MICAL1: variants seen among roughly 807,000 people sequenced by gnomAD.
MICAL1 encodes the protein microtubule associated monooxygenase, calponin and LIM domain containing 1.
MICAL1 carries 95 observed loss-of-function variants against 131.8 expected under a neutral mutation model. The ratio of observed to expected loss-of-function variants is 0.72; its 90% CI spans 0.61 to 0.86. The LOEUF (loss-of-function observed/expected upper bound fraction) is 0.86. Ranked by LOEUF, MICAL1 falls within the 40% of genes least tolerant of loss-of-function variation. MICAL1 has a pLI of 0.00. For synonymous variants in MICAL1, 546 were observed against 554.2 expected (o/e 0.99, Z 0.21); for missense variants, 1,292 against 1,380.6 (o/e 0.94, Z 1.02).
chr6:109,453,223 TGGG>T lies in MICAL1; in HGVS notation c.571+37_571+39del, dbSNP rs377028703. On this transcript the variant is annotated intron_variant, in intron 4 of 24. Coordinates refer to ENST00000358807, the MANE Select transcript of MICAL1 (RefSeq NM_022765.4). Reference sequence around the variant, plus strand: ...TTTCAGACACTGGCCAAGTTCTTGATGGGGGAGGGGGAGATTCCAGGGAGCATA... The same window carrying T: ...TTTCAGACACTGGCCAAGTTCTTGATGGAGGGGGAGATTCCAGGGAGCATA... The T allele has an allele frequency of 3.8e-3, 5,819 of 1,527,740 alleles. 32 individuals are homozygous for T. The highest frequency in any genetic ancestry group is 0.019 in the Middle Eastern group (111 of 5,930). The allele number at this position is 1,527,740 out of a possible 1,614,324, so 94.6% of individuals were successfully genotyped here.
upstream of MICAL1, among the ~76,000 whole-genome samples, chr6:109,458,690 C>T (rs973250232): frequency 5.3e-5 from 8 of 152,152 alleles, no homozygotes; most frequent in African/African-American, 1.9e-4. Context: ...ACGACAGGAT[C>T]CTCCTTCCTC....
chr6:109,463,357 A>T (rs2115350452), intron 1 of MICAL1: 2 of 152,322 alleles, frequency 1.3e-5, no homozygotes, highest in East Asian at 3.9e-4. Context: ...TAACAAAGCT[A>T]TCATTTCCTT....
At position 109,444,262 on chromosome 6, in the gene MICAL1, C is replaced by T. The variant is rs758014161; in HGVS notation, c.3133G>A (p.Asp1045Asn). 1.2e-6 allele frequency: 2 copies of T among 1,613,668 alleles called. No individual in the cohort carries two copies. The highest frequency in any genetic ancestry group is 1.7e-6 in the Non-Finnish European group (2 of 1,180,036). ...TCCTCCTGGAAGCGGATGAGGGCAT[C>T]TCTCTGGTTGACCAAATCCACCAGC... is the stretch of plus-strand genomic sequence containing the variant. Reference protein sequence around the residue: ...RKLVDLVNQRDALIRFQEERR... With the variant: ...RKLVDLVNQRNALIRFQEERR... The change falls in exon 25 of 25, where the codon GAT (aspartate) becomes AAT (asparagine). Residue 1045 changes from aspartate to asparagine, a missense_variant. Physicochemically the swap from Asp to Asn is conservative, Grantham distance 23 (BLOSUM62 1). Coordinates refer to ENST00000358807, the MANE Select transcript of MICAL1 (RefSeq NM_022765.4).
rs1218546147 is a variant in MICAL1, at chr6:109,455,104, C to T, written c.-44+615G>A. Among the ~76,000 whole-genome samples the T allele has an allele frequency of 6.6e-6, 1 of 151,978 alleles. No homozygotes were observed. The highest frequency in any genetic ancestry group is 2.4e-5 in the African/African-American group (1 of 41,398). ...CTCCCAGGAATCTCCGGAGACAAAG[C>T]CTCGCTTTGTCGCCCCCTCCCACGC... On this transcript the variant is annotated intron_variant, in intron 1 of 24. Transcript: ENST00000358807. The surrounding 1 kb of genome is among the most constrained non-coding windows in gnomAD (Gnocchi z 4.7).
chr6:109,445,092 G>C (rs1292868452), intron 22 of MICAL1, 97 bp from the exon 23 acceptor site: 19 of 1,570,594 alleles, frequency 1.2e-5, no homozygotes, highest in Non-Finnish European at 1.6e-5. Flanking sequence ...GGGTGTCACA[G>C]GTATGTGTTA....
intron 11 of MICAL1, 98 bp downstream of exon 11, chr6:109,449,302 T>C: frequency 1.5e-6 from 2 of 1,318,986 alleles, no homozygotes; most frequent in Non-Finnish European, 2.2e-6. Flanking sequence ...TCCGGCACGC[T>C]GCTCCTGTCC....
At chr6:109,448,134 CACACA>C in intron 13 of MICAL1, 64 bp downstream of exon 13, 1 of 126,398 alleles carries the variant, frequency 7.9e-6, no homozygotes, top group Non-Finnish European at 9.6e-6. Flanking sequence ...CTCCCTCTGT[CACACA>C]CACACACACA....
At chr6:109,461,691 T>C (rs947244580) in intron 1 of MICAL1, among the ~76,000 whole-genome samples, 1 of 152,178 alleles carries the variant, frequency 6.6e-6, no homozygotes, top group Non-Finnish European at 1.5e-5. Context: ...TTATTAAATA[T>C]GTAATTTTTA....
rs897209212 is a variant in MICAL1, at chr6:109,445,726, T to C, written c.2673+45A>G. On this transcript the variant is annotated intron_variant, in intron 20 of 24. Transcript: ENST00000358807. ...AGTGGACCAGTGCAGGTTTCTCCTG[T>C]AGTGGGCTGGAGAGCGTTTTGTGGC... 4 of 1,584,998 alleles carry C rather than the reference T, an allele frequency of 2.5e-6. No homozygotes were observed. The African/African-American group carries it at 5.4e-5, about 21-fold the overall frequency.
rs1318111080 is a variant in MICAL1 at position 109,444,744 on chromosome 6, T to G, written c.3036A>C (p.Arg1012=). ...ACCTACCTTCCCGGTTCATGTAGCCTCGTAGCTCCTGGTCCAGCTGCCACT... is the reference window on the plus strand; with the variant it reads ...ACCTACCTTCCCGGTTCATGTAGCCGCGTAGCTCCTGGTCCAGCTGCCACT... The part of the protein sequence containing the change: ...EKQWQLDQEL[R]GYMNREENLK... Residue 1012 remains arginine, a synonymous_variant, in exon 24 of 25, where the codon CGA becomes CGC. Transcript: ENST00000358807. 1 of 1,614,118 alleles carries G rather than the reference T, an allele frequency of 6.2e-7. No homozygotes were observed. The highest frequency in any genetic ancestry group is 1.7e-5 in the Admixed American group (1 of 60,024).
chr6:109,447,210 C>T lies in MICAL1; in HGVS notation c.2090G>A (p.Cys697Tyr), dbSNP rs747565013. 1 of 1,614,082 alleles carries T rather than the reference C, an allele frequency of 6.2e-7. No individual in the cohort carries two copies. Among genetic ancestry groups the T allele is most frequent in the Non-Finnish European group, 8.5e-7 (1 of 1,179,942 alleles). Residue 697 changes from cysteine to tyrosine, a missense_variant, in exon 17 of 25, where the codon TGT becomes TAT. Coordinates refer to ENST00000358807, the MANE Select transcript of MICAL1 (RefSeq NM_022765.4). ...ATAGAGGTGTTCCCCACAAAGTGCA[C>T]ACAGGTCCCCAGCACCGGCCTGCGT... ...QHQEAGAGDL[C>Y]ALCGEHLYVL...
intron 12 of MICAL1, 83 bp downstream of exon 12, chr6:109,448,649 G>A: frequency 6.4e-7 from 1 of 1,563,078 alleles, no homozygotes; most frequent in Non-Finnish European, 8.8e-7. Context: ...ATGCAGGGAA[G>A]CACACTGTCT....
chr6:109,459,833 G>C (rs567594633), upstream of MICAL1, among the ~76,000 whole-genome samples: 4 of 152,126 alleles, frequency 2.6e-5, no homozygotes, highest in Admixed American at 1.3e-4. Flanking sequence ...ATCTTGACAG[G>C]TGGATTTTTA....
chr6:109,453,480 C>G, intron 3 of MICAL1, 113 bp from the exon 4 acceptor site: 2 of 1,503,840 alleles, frequency 1.3e-6, no homozygotes, highest in Non-Finnish European at 1.8e-6. Flanking sequence ...ATCACTCAGC[C>G]CAAAAGCCCA....
At position 109,445,230 on chromosome 6, in the gene MICAL1, C is replaced by A; in HGVS notation, c.2848G>T (p.Val950Leu). The A allele has an allele frequency of 1.9e-6, 3 of 1,613,920 alleles. No homozygotes were observed. The highest frequency in any genetic ancestry group is 1.1e-5 in the South Asian group (1 of 91,066). Reference protein sequence around the residue: ...AALRELEAEGVKLELALRRQS... With the variant: ...AALRELEAEGLKLELALRRQS... ...CGCCTCAAGGCCAGCTCCAGCTTCA[C>A]GCCCTCGGCCTCTAGCTCCCTCAAG... Residue 950 changes from valine to leucine, a missense_variant, in exon 22 of 25, where the codon GTG (valine) becomes TTG (leucine). Physicochemically the swap from Val to Leu is conservative, Grantham distance 32. Transcript: ENST00000358807.
intron 1 of MICAL1, 51 bp from the exon 2 acceptor site, chr6:109,454,290 A>C: frequency 6.7e-7 from 1 of 1,482,196 alleles, no homozygotes; most frequent in Non-Finnish European, 9.0e-7. Flanking sequence ...GAAGAAATAA[A>C]AAGGAAGGGG....
upstream of MICAL1, among the ~76,000 whole-genome samples, chr6:109,458,371 A>G (rs1013736124): frequency 2.6e-5 from 4 of 152,164 alleles, no homozygotes; most frequent in Admixed American, 2.0e-4. Context: ...TGAGGCGGGC[A>G]GATCACCTGA....
At chr6:109,444,678 A>G (rs754669931) in intron 24 of MICAL1, 47 bp downstream of exon 24, 18 of 1,589,106 alleles carry the variant, frequency 1.1e-5, no homozygotes, top group South Asian at 3.3e-5. Context: ...TGAGGCTTGC[A>G]TGACACATCC....
intron 17 of MICAL1, 67 bp from the exon 18 acceptor site, chr6:109,446,839 T>C: frequency 6.8e-7 from 1 of 1,463,742 alleles, no homozygotes; most frequent in Non-Finnish European, 9.5e-7. Context: ...ACGCAACAGT[T>C]TATGAAGGAA....
Sources: gnomAD v4.1 joint callset for allele counts (sites outside exome capture counted in the v4.1 genomes callset) on GRCh38, gnomAD v4.1.1 for gene constraint, Gnocchi (gnomAD v3.1) non-coding constraint, MANE v1.5 for transcripts, NCBI Gene and HGNC (gene_info 2026-07-23, HGNC 2026-07-21) for gene names.